Variants in PAK5 observed in about 807,000 individuals in gnomAD.
PAK5 encodes the protein p21 (RAC1) activated kinase 5.
In PAK5, 16 loss-of-function variants were observed where a neutral mutation model predicts 65.9. That is an observed-to-expected ratio of 0.24 (90% confidence interval 0.16 to 0.37). The LOEUF (loss-of-function observed/expected upper bound fraction) is 0.37, where lower values mean the gene tolerates loss of function less well. PAK5 is among the 10% of genes least tolerant of loss of function. The pLI is 1.00. For synonymous variants in PAK5, 371 were observed against 354.9 expected (o/e 1.05, Z -0.51); for missense variants, 785 against 903.9 (o/e 0.87, Z 1.69).
rs553010432 is a variant in PAK5 at position 9,747,535 on chromosome 20, G to A, written c.-161-36100C>T. On this transcript the variant is annotated intron_variant, in intron 1 of 9. Coordinates refer to ENST00000353224, the MANE Select transcript of PAK5 (RefSeq NM_177990.4). ...GGGATGCAAGGCTGGTTCAATATAC[G>A]CAAATCAATAAATGTAATCCAGCAT... 3.0e-3 allele frequency among the ~76,000 whole-genome samples: 449 copies of A among 150,976 alleles called. 4 individuals carry two copies. Among genetic ancestry groups the A allele is most frequent in the African/African-American group, 0.01 (413 of 41,068 alleles).
At chr20:9,725,842 T>C (rs1569060732) in intron 1 of PAK5, among the ~76,000 whole-genome samples, 3 of 152,062 alleles carry the variant, frequency 2.0e-5, no homozygotes, top group Admixed American at 6.5e-5. Context: ...AGAAATGCAA[T>C]AAAGATTTTC....
At chr20:9,567,652 A>G (rs1268270001) in intron 4 of PAK5, among the ~76,000 whole-genome samples, 1 of 152,254 alleles carries the variant, frequency 6.6e-6, no homozygotes, top group African/African-American at 2.4e-5. Context: ...TTGAGCAACT[A>G]TGATGTGCTA....
rs534549723 is a variant in PAK5, at chr20:9,570,450, C to T, written c.991-4066G>A. ...TCAAAGCCTCTGTATTTGTGCTACA[C>T]AAGGAAAACGTGTGTGTGTGAGTGT... On this transcript the variant is annotated intron_variant, in intron 4 of 9. Transcript: ENST00000353224. Among the ~76,000 whole-genome samples the T allele has an allele frequency of 1.1e-4, 13 of 122,158 alleles. No individual in the cohort carries two copies. The East Asian group carries it at 3.4e-3, about 32-fold the overall frequency. The allele number at this position is 122,158 out of a possible 152,430, so 80.1% of individuals were successfully genotyped here.
chr20:9,608,521 A>G (rs1317258155), intron 3 of PAK5, among the ~76,000 whole-genome samples: 2 of 152,250 alleles, frequency 1.3e-5, no homozygotes, highest in African/African-American at 4.8e-5. Flanking sequence ...TAGGTAAGAC[A>G]TGGTGTTCAG....
In PAK5 at chr20:9,748,796, C is replaced by T. The variant is rs984376018; in HGVS notation, c.-161-37361G>A. ...ATTATGCACTGTCTAATTCATTAGC[C>T]ATTAGCCACAGTGTTATGAGCACCT... On this transcript the variant is annotated intron_variant, in intron 1 of 9. Transcript: ENST00000353224. Among the ~76,000 whole-genome samples, 67 of 152,118 alleles carry T rather than the reference C, an allele frequency of 4.4e-4. 1 individual carries two copies. Among genetic ancestry groups the T allele is most frequent in the Non-Finnish European group, 1.2e-4 (8 of 68,026 alleles).
chr20:9,664,270 G>A (rs2047383684), intron 2 of PAK5, among the ~76,000 whole-genome samples: 1 of 151,804 alleles, frequency 6.6e-6, no homozygotes, highest in Non-Finnish European at 1.5e-5. Context: ...AAGGAACTCA[G>A]CATTTCCTTT....
chr20:9,653,236 A>G (rs569661457), intron 2 of PAK5, among the ~76,000 whole-genome samples: 29 of 152,362 alleles, frequency 1.9e-4, no homozygotes, highest in Non-Finnish European at 3.8e-4. Flanking sequence ...AGTAACATCA[A>G]TGTAGTAAGT....
At chr20:9,542,750 G>C in intron 8 of PAK5, 30 bp from the exon 9 acceptor site, 1 of 1,604,802 alleles carries the variant, frequency 6.2e-7, no homozygotes, top group Non-Finnish European at 8.5e-7. Context: ...GGTTATCTCA[G>C]GCAAGGAGAA....
At chr20:9,668,378 C>T (rs2047448467) in intron 2 of PAK5, among the ~76,000 whole-genome samples, 1 of 152,050 alleles carries the variant, frequency 6.6e-6, no homozygotes, top group South Asian at 2.1e-4. Context: ...GGAGTCTATT[C>T]TTGCCTGAAT....
chr20:9,590,339 A>T (rs77173200), intron 3 of PAK5, among the ~76,000 whole-genome samples: 10,968 of 152,180 alleles, frequency 0.072, 787 homozygotes, highest in African/African-American at 0.18. Context: ...ACTTGTATTG[A>T]GCAGAACTGA....
intron 2 of PAK5, among the ~76,000 whole-genome samples, chr20:9,666,448 A>C (rs918308344): frequency 6.6e-6 from 1 of 151,922 alleles, no homozygotes; most frequent in Non-Finnish European, 1.5e-5. Context: ...GAAAAAAAAA[A>C]AAGAGAAAGA....
At chr20:9,724,697 A>T (rs1048237785) in intron 1 of PAK5, among the ~76,000 whole-genome samples, 2 of 152,092 alleles carry the variant, frequency 1.3e-5, no homozygotes, top group Non-Finnish European at 2.9e-5. Context: ...CTCAATTTCC[A>T]TTATAGTTCA....
intron 2 of PAK5, among the ~76,000 whole-genome samples, chr20:9,701,844 T>G (rs952804833): frequency 6.6e-6 from 1 of 151,646 alleles, no homozygotes; most frequent in Non-Finnish European, 1.5e-5. Context: ...ACTAAAAATA[T>G]AAAAAATTAG....
Position 9,717,508 on chromosome 20 carries a change from C to A in PAK5, c.-161-6073G>T, listed in dbSNP as rs972121107. Among the ~76,000 whole-genome samples the A allele has an allele frequency of 2.6e-5, 4 of 152,196 alleles. No individual in the cohort carries two copies. In the South Asian group the frequency reaches 6.2e-4, roughly 24 times the overall value. ...CCAAAAATCAGTGACCTGATATCTG[C>A]GAATAATTTGATAAAGAAACAAACA... On this transcript the variant is annotated intron_variant, in intron 1 of 9. Transcript: ENST00000353224.
intron 3 of PAK5, among the ~76,000 whole-genome samples, chr20:9,630,819 A>G (rs961892712): frequency 6.6e-6 from 1 of 152,158 alleles, no homozygotes; most frequent in Non-Finnish European, 1.5e-5. Context: ...AGAGTCACGG[A>G]CCAGTAATTC....
chr20:9,586,121 TTGG>T (rs1300316888), intron 3 of PAK5, among the ~76,000 whole-genome samples: 1 of 152,136 alleles, frequency 6.6e-6, no homozygotes, highest in Non-Finnish European at 1.5e-5. Flanking sequence ...TCATATCAAA[TTGG>T]TATCCCAATT....
intron 1 of PAK5, among the ~76,000 whole-genome samples, chr20:9,804,708 A>G (rs746950519): frequency 6.6e-6 from 1 of 152,318 alleles, no homozygotes; most frequent in South Asian, 2.1e-4. Context: ...AAGAAAAATG[A>G]TAACTTTGGC....
chr20:9,737,268 C>G (rs545314373), intron 1 of PAK5, among the ~76,000 whole-genome samples: 1 of 152,090 alleles, frequency 6.6e-6, no homozygotes, highest in African/African-American at 2.4e-5. Context: ...CTAAGGAACA[C>G]AGTGTATAGA....
At chr20:9,632,876 A>C (rs1269493896) in intron 3 of PAK5, among the ~76,000 whole-genome samples, 1 of 152,218 alleles carries the variant, frequency 6.6e-6, no homozygotes. Context: ...TGGTGATTAC[A>C]AGCCCAGGTC....
Sources: allele counts gnomAD v4.1 joint callset (sites outside exome capture counted in the v4.1 genomes callset), GRCh38; gene constraint gnomAD v4.1.1; transcripts MANE v1.5; gene names NCBI Gene and HGNC (gene_info 2026-07-23, HGNC 2026-07-21).